CCDC167: variants seen among roughly 807,000 people sequenced by gnomAD.
The protein encoded by CCDC167 is coiled-coil domain containing 167, also known as coiled-coil domain-containing protein 167.
Under a neutral mutation model 12.7 loss-of-function variants are expected in CCDC167, and 15 were observed. The observed-to-expected ratio is 1.18, with a 90% CI of 0.79 to 1.81. The LOEUF (loss-of-function observed/expected upper bound fraction) is 1.81, where lower values mean the gene tolerates loss of function less well. CCDC167 is among the 40% of genes most tolerant of loss of function. The pLI, the probability that CCDC167 is intolerant of heterozygous loss-of-function variation, is 0.00. For missense variants in CCDC167, 121 were observed against 120.1 expected, an observed-to-expected ratio of 1.01 and a Z score of -0.03; for synonymous variants, 52 against 49.0, an observed-to-expected ratio of 1.06 and a Z score of -0.26.
chr6:37,492,820 G>C (rs1478285221), intron 1 of CCDC167, among the ~76,000 whole-genome samples: 4 of 152,188 alleles, frequency 2.6e-5, no homozygotes, highest in African/African-American at 4.8e-5. Flanking sequence ...AAGAGTGCAG[G>C]GGCTTTCCAT....
intron 1 of CCDC167, among the ~76,000 whole-genome samples, chr6:37,493,130 C>T (rs1762044973): frequency 6.6e-6 from 1 of 152,162 alleles, no homozygotes; most frequent in Non-Finnish European, 1.5e-5. Flanking sequence ...GCTTGTCGCT[C>T]GCCTGGACAC....
intron 1 of CCDC167, among the ~76,000 whole-genome samples, chr6:37,487,393 C>T (rs551777464): frequency 2.0e-5 from 3 of 152,290 alleles, no homozygotes; most frequent in East Asian, 1.9e-4. Flanking sequence ...CAAGGACAGA[C>T]GGTTTAGGTC....
chr6:37,494,786 AG>A (rs1417238283), intron 1 of CCDC167, among the ~76,000 whole-genome samples: 2 of 147,186 alleles, frequency 1.4e-5, no homozygotes, highest in Non-Finnish European at 3.0e-5. Context: ...AACCAATGCC[AG>A]TAGCCACCTA....
At chr6:37,485,305 C>T (rs915596358) in intron 1 of CCDC167, 111 bp from the exon 2 acceptor site, 34 of 815,484 alleles carry the variant, frequency 4.2e-5, no homozygotes, top group African/African-American at 1.5e-4. Flanking sequence ...TCCCCCCATT[C>T]GTTTTGGCAG....
chr6:37,494,709 T>C (rs1186148147), intron 1 of CCDC167, among the ~76,000 whole-genome samples: 1 of 152,142 alleles, frequency 6.6e-6, no homozygotes, highest in Non-Finnish European at 1.5e-5. Flanking sequence ...GTGGCAGCTA[T>C]ATTGTGACCA....
rs778239529 is a variant in CCDC167 at position 37,483,229 on chromosome 6, A to G, written c.251T>C (p.Ile84Thr). ...NRKNMLLSVAIFILLTLVYAY... is the reference protein window; with the variant it reads ...NRKNMLLSVATFILLTLVYAY... ...ATAGACGAGCGTCAGGAGGATAAAGATGGCCACAGAGAGCAGCATGTTCTT... is the reference window on the plus strand; with the variant it reads ...ATAGACGAGCGTCAGGAGGATAAAGGTGGCCACAGAGAGCAGCATGTTCTT... Residue 84 changes from isoleucine (I) to threonine (T), a missense_variant, in exon 4 of 4, where the codon ATC (isoleucine) becomes ACC (threonine). Physicochemically the swap from Ile to Thr is moderately conservative, Grantham distance 89 (BLOSUM62 -1). Coordinates refer to ENST00000373408, the MANE Select transcript of CCDC167 (RefSeq NM_138493.3). 6.2e-7 allele frequency: 1 copy of G among 1,614,184 alleles called. No individual in the cohort carries two copies. The highest frequency in any genetic ancestry group is 8.5e-7 in the Non-Finnish European group (1 of 1,180,006).
rs187455150 is a variant in CCDC167, at chr6:37,499,253, A to T, written c.42+569T>A. On this transcript the variant is annotated intron_variant, in intron 1 of 3. Transcript: ENST00000373408. ...TTTTCTTTCCCTTCTATATGCAGCAAATTATTTTTAAGCCATTCAGTGACA... is the reference window on the plus strand; with the variant it reads ...TTTTCTTTCCCTTCTATATGCAGCATATTATTTTTAAGCCATTCAGTGACA... 2.8e-3 allele frequency among the ~76,000 whole-genome samples: 427 copies of T among 152,294 alleles called. 1 individual carries two copies. The highest frequency in any genetic ancestry group is 5.2e-3 in the Admixed American group (79 of 15,300).
At chr6:37,488,612 G>A (rs181999203) in intron 1 of CCDC167, among the ~76,000 whole-genome samples, 21 of 152,344 alleles carry the variant, frequency 1.4e-4, no homozygotes, top group Non-Finnish European at 2.8e-4. Flanking sequence ...CCAGAAGCCT[G>A]GAATGGTGGT....
At chr6:37,494,984 G>A (rs972110940) in intron 1 of CCDC167, among the ~76,000 whole-genome samples, 1 of 151,720 alleles carries the variant, frequency 6.6e-6, no homozygotes, top group Non-Finnish European at 1.5e-5. Flanking sequence ...ATTTTTAGTA[G>A]AGATGGTGTT....
In CCDC167 at chr6:37,483,133, C is replaced by A; in HGVS notation, c.*53G>T. ...TTGAGGCTTGAAGTGCCTGCTTGAT[C>A]CTGATCAAGGGGCCAAGTGGAAGCC... On this transcript the variant is annotated 3_prime_UTR_variant, in exon 4 of 4. Coordinates refer to ENST00000373408, the MANE Select transcript of CCDC167 (RefSeq NM_138493.3). The A allele has an allele frequency of 7.1e-7, 1 of 1,406,738 alleles. No individual in the cohort carries two copies. 87.1% of individuals were successfully genotyped at this position (1,406,738 alleles called of 1,614,324 possible).
chr6:37,487,554 T>A (rs1487790020), intron 1 of CCDC167, among the ~76,000 whole-genome samples: 2 of 152,244 alleles, frequency 1.3e-5, no homozygotes, highest in East Asian at 3.8e-4. Flanking sequence ...AGATTTCTCC[T>A]TAACAGTCCT....
chr6:37,488,427 T>G (rs1231615102), intron 1 of CCDC167, among the ~76,000 whole-genome samples: 1 of 152,242 alleles, frequency 6.6e-6, no homozygotes. Flanking sequence ...GAGGCAAATG[T>G]GCAGTCGTTG....
chr6:37,483,415 C>G, intron 3 of CCDC167, 126 bp from the exon 4 acceptor site: 1 of 656,968 alleles, frequency 1.5e-6, no homozygotes, highest in Non-Finnish European at 2.8e-6. Context: ...ACCTCCTTAC[C>G]CATAAAAATG....
intron 1 of CCDC167, among the ~76,000 whole-genome samples, chr6:37,493,976 C>T (rs1762064029): frequency 6.6e-6 from 1 of 151,850 alleles, no homozygotes; most frequent in Admixed American, 6.6e-5. Context: ...TAACCACAAG[C>T]GTCAAGCCTT....
intron 1 of CCDC167, 107 bp from the exon 2 acceptor site, chr6:37,485,301 C>T: frequency 2.4e-6 from 2 of 849,906 alleles, no homozygotes; most frequent in Admixed American, 4.3e-5. Context: ...GTGTTCCCCC[C>T]ATTCGTTTTG....
chr6:37,498,579 T>C (rs1581769708), intron 1 of CCDC167, among the ~76,000 whole-genome samples: 1 of 151,318 alleles, frequency 6.6e-6, no homozygotes, highest in African/African-American at 2.4e-5. Flanking sequence ...CCCAGCACTT[T>C]GGGAGGCTAA....
rs145381295 is a variant in CCDC167, at chr6:37,490,961, G to A, written c.43-5767C>T. On this transcript the variant is annotated intron_variant, in intron 1 of 3. Coordinates refer to ENST00000373408, the MANE Select transcript of CCDC167 (RefSeq NM_138493.3). Reference sequence around the variant, plus strand: ...CTTGGGGAATATCACCTTATTCTGGGAGCTTTAAGGAAGTCTCCCTGGGGT... The same window carrying A: ...CTTGGGGAATATCACCTTATTCTGGAAGCTTTAAGGAAGTCTCCCTGGGGT... Among the ~76,000 whole-genome samples the A allele has an allele frequency of 4.2e-3, 641 of 152,286 alleles. 5 individuals carry two copies. The highest frequency in any genetic ancestry group is 0.014 in the African/African-American group (565 of 41,548).
chr6:37,492,059 C>T (rs1255484751), intron 1 of CCDC167, among the ~76,000 whole-genome samples: 2 of 152,208 alleles, frequency 1.3e-5, no homozygotes, highest in African/African-American at 4.8e-5. Flanking sequence ...TCTGCAACCG[C>T]CCTGCAAGGA....
At chr6:37,494,111 G>A (rs1762066762) in intron 1 of CCDC167, among the ~76,000 whole-genome samples, 1 of 141,540 alleles carries the variant, frequency 7.1e-6, no homozygotes, top group Non-Finnish European at 1.5e-5. Flanking sequence ...TGTTGCCCAG[G>A]CTAGAGTGCG....
Sources: gnomAD v4.1 joint callset for allele counts (sites outside exome capture counted in the v4.1 genomes callset) on GRCh38, gnomAD v4.1.1 for gene constraint, MANE v1.5 for transcripts, NCBI Gene and HGNC (gene_info 2026-07-23, HGNC 2026-07-21) for gene names.